The following DOCK1 variants were observed in gnomAD, a reference collection of about 807,000 sequenced individuals.
DOCK1 encodes dedicator of cytokinesis protein 1.
Under a neutral mutation model 262.7 loss-of-function variants are expected in DOCK1, and 138 were observed. The ratio of observed to expected loss-of-function variants is 0.53; its 90% CI spans 0.46 to 0.61. DOCK1 has a LOEUF of 0.61. DOCK1 is among the 20% of genes least tolerant of loss of function. The pLI is 0.00. For synonymous variants in DOCK1, 866 were observed against 867.4 expected (o/e 1.00, Z 0.03); for missense variants, 1,908 against 2,370.7 (o/e 0.80, Z 4.05).
At chr10:127,347,910 C>T (rs1185124561) in intron 31 of DOCK1, among the ~76,000 whole-genome samples, 1 of 109,294 alleles carries the variant, frequency 9.1e-6, no homozygotes, top group African/African-American at 3.6e-5. Flanking sequence ...CCTTGCTAAG[C>T]CCTTGCAGCT....
chr10:127,251,032 G>A (rs1438957932), intron 28 of DOCK1, among the ~76,000 whole-genome samples: 2 of 151,586 alleles, frequency 1.3e-5, no homozygotes, highest in Non-Finnish European at 2.9e-5. Flanking sequence ...GTGCAATCTC[G>A]GCTCACCACA....
At chr10:126,975,784 A>G (rs1393075538) in intron 2 of DOCK1, among the ~76,000 whole-genome samples, 3 of 146,458 alleles carry the variant, frequency 2.0e-5, no homozygotes, top group Non-Finnish European at 3.0e-5. Context: ...CGCCCAGCCA[A>G]TTTTTTTTTT....
At chr10:127,344,740 A>G (rs544301253) in intron 31 of DOCK1, 1 of 152,438 alleles carries the variant, frequency 6.6e-6, no homozygotes, top group African/African-American at 2.4e-5. Context: ...CAGTAGTGGT[A>G]ATACCAGCTA....
intron 29 of DOCK1, among the ~76,000 whole-genome samples, chr10:127,284,378 A>G (rs2061073132): frequency 1.3e-5 from 2 of 152,126 alleles, no homozygotes; most frequent in African/African-American, 4.8e-5. Flanking sequence ...TATAAATTTG[A>G]TAGACCATTT....
intron 27 of DOCK1, among the ~76,000 whole-genome samples, chr10:127,225,300 C>T (rs1321944041): frequency 2.6e-5 from 4 of 152,220 alleles, no homozygotes; most frequent in Non-Finnish European, 4.4e-5. Flanking sequence ...CAGTGTTCCC[C>T]GACTTACCCC....
In DOCK1 at chr10:126,905,527, TG is replaced by T; in HGVS notation, c.13del (p.Val5CysfsTer35). On this transcript the variant is annotated frameshift_variant, in exon 1 of 52. Transcript: ENST00000623213. LOFTEE classifies it high-confidence loss of function. MTR[W>X]VPTKREEKYG... ...CGGCTCCGGCGGCGCCATGACGCGC[TG>T]GGTGCCCACCAAGCGCGAGGAGAAG... 1.9e-6 allele frequency: 1 copy of T among 517,890 alleles called. No individual in the cohort carries two copies. The allele number at this position is 517,890 out of a possible 1,614,324, so 32.1% of individuals were successfully genotyped here.
rs968597830 is a variant in DOCK1, at chr10:127,408,709, A to G, written c.4123-328A>G. On this transcript the variant is annotated intron_variant, in intron 40 of 51. Transcript: ENST00000623213. ...GCCCCCTTCTAACCATTTCATGCCC[A>G]TTCTAGTGTGGGCTTCTGAGTGCTC... Among the ~76,000 whole-genome samples the G allele has an allele frequency of 8.5e-5, 13 of 152,292 alleles. No homozygotes were observed. The South Asian group carries it at 1.9e-3, about 22-fold the overall frequency.
intron 25 of DOCK1, among the ~76,000 whole-genome samples, chr10:127,116,737 A>G (rs2049207851): frequency 6.6e-6 from 1 of 152,224 alleles, no homozygotes; most frequent in Non-Finnish European, 1.5e-5. Context: ...GCTACTCTGC[A>G]GTAGTTTTGT....
At chr10:127,117,440 C>A (rs928698694) in intron 25 of DOCK1, among the ~76,000 whole-genome samples, 16 of 152,206 alleles carry the variant, frequency 1.1e-4, no homozygotes, top group Non-Finnish European at 1.2e-4. Context: ...ACTGAATTTA[C>A]TTCAAATGCC....
At chr10:126,970,599 A>G in intron 1 of DOCK1, 103 bp from the exon 2 acceptor site, 1 of 839,706 alleles carries the variant, frequency 1.2e-6, no homozygotes, top group South Asian at 1.6e-5. Context: ...GACTGAATGT[A>G]TTTCAATATT....
intron 51 of DOCK1, among the ~76,000 whole-genome samples, chr10:127,450,513 C>T (rs1157247061): frequency 2.0e-5 from 3 of 151,934 alleles, no homozygotes; most frequent in Non-Finnish European, 2.9e-5. Flanking sequence ...TTTATTCACT[C>T]ATTCATTTAT....
At chr10:127,172,301 G>A (rs1378199785) in intron 27 of DOCK1, among the ~76,000 whole-genome samples, 1 of 152,146 alleles carries the variant, frequency 6.6e-6, no homozygotes, top group East Asian at 1.9e-4. Context: ...CACGGTAGCA[G>A]TATTTACACC....
intron 23 of DOCK1, among the ~76,000 whole-genome samples, chr10:127,087,678 G>A (rs2047277026): frequency 1.3e-5 from 2 of 152,090 alleles, no homozygotes; most frequent in Admixed American, 1.3e-4. Context: ...GCCTTGATGA[G>A]GTTACTCTGA....
chr10:127,224,562 A>G (rs1328053148), intron 27 of DOCK1, among the ~76,000 whole-genome samples: 1 of 147,532 alleles, frequency 6.8e-6, no homozygotes, highest in Non-Finnish European at 1.5e-5. Context: ...CTGCTTCAGA[A>G]AAAAAAAAAA....
intron 34 of DOCK1, 43 bp downstream of exon 34, chr10:127,373,909 G>A: frequency 1.3e-6 from 2 of 1,568,846 alleles, no homozygotes; most frequent in Non-Finnish European, 1.7e-6. Context: ...GAGAGATACA[G>A]AGACAGAGAG....
intron 31 of DOCK1, among the ~76,000 whole-genome samples, chr10:127,346,794 C>G (rs750255080): frequency 5.9e-5 from 9 of 152,162 alleles, no homozygotes; most frequent in South Asian, 2.1e-4. Flanking sequence ...TTTGTCACAA[C>G]GATAGCAACA....
chr10:127,397,851 A>G (rs965778365), intron 38 of DOCK1, among the ~76,000 whole-genome samples: 3 of 151,986 alleles, frequency 2.0e-5, no homozygotes, highest in African/African-American at 7.3e-5. Context: ...TGACCTGTGC[A>G]TGTCCTGGGT....
intron 31 of DOCK1, among the ~76,000 whole-genome samples, chr10:127,353,332 A>C (rs1175937298): frequency 6.6e-6 from 1 of 152,212 alleles, no homozygotes; most frequent in Non-Finnish European, 1.5e-5. Context: ...GTGCAGGAGC[A>C]AAATGGGAAT....
At chr10:127,121,220 C>T (rs1373027160) in intron 25 of DOCK1, among the ~76,000 whole-genome samples, 2 of 112,810 alleles carry the variant, frequency 1.8e-5, no homozygotes, top group Admixed American at 2.3e-4. Context: ...TATAAGACCC[C>T]TCCTCCTTTT....
Sources: allele counts gnomAD v4.1 joint callset (sites outside exome capture counted in the v4.1 genomes callset), GRCh38; gene constraint gnomAD v4.1.1; transcripts MANE v1.5; gene names NCBI Gene and HGNC (gene_info 2026-07-23, HGNC 2026-07-21).